The following STK3 variants were observed in gnomAD, a reference collection of about 807,000 sequenced individuals.
STK3 encodes the protein serine/threonine kinase 3, also known as serine/threonine-protein kinase 3.
Under a neutral mutation model 58.0 loss-of-function variants are expected in STK3, and 41 were observed. The observed-to-expected ratio is 0.71, with a 90% confidence interval of 0.55 to 0.92. The LOEUF is 0.92. Among genes scored for constraint, STK3 ranks in the 40% least tolerant of loss-of-function variants. The pLI, the probability that STK3 is intolerant of heterozygous loss-of-function variation, is 0.00. For missense variants in STK3, 479 were observed against 602.7 expected, an observed-to-expected ratio of 0.79 and a Z score of 2.15; for synonymous variants, 170 against 191.0, an observed-to-expected ratio of 0.89 and a Z score of 0.91.
chr8:98,660,797 G>A (rs2130784650), intron 6 of STK3, among the ~76,000 whole-genome samples: 1 of 152,080 alleles, frequency 6.6e-6, no homozygotes, highest in Middle Eastern at 3.4e-3. Flanking sequence ...TATCACATTA[G>A]GTTTTCCCTT....
chr8:98,714,432 A>G (rs534140076), intron 4 of STK3, among the ~76,000 whole-genome samples: 1 of 152,328 alleles, frequency 6.6e-6, no homozygotes, highest in East Asian at 1.9e-4. Context: ...ACTTCAGCAA[A>G]GTCTCAGGAT....
In STK3 at chr8:98,845,336, T is replaced by C. The variant is rs552187766; in HGVS notation, c.110+38311A>G. Among the ~76,000 whole-genome samples, 3 of 152,370 alleles carry C rather than the reference T, an allele frequency of 2.0e-5. No individual in the cohort carries two copies. In the South Asian group the frequency reaches 6.2e-4, roughly 32 times the overall value. On this transcript the variant is annotated intron_variant, in intron 3 of 12. Transcript: ENST00000523601. The stretch of plus-strand genomic sequence containing the variant: ...CTACCACAACTTCCTCATTCTTAAA[T>C]TCTTAAGTTTTGACGAGTCTCTCAA...
chr8:98,836,337 G>A (rs140529621), intron 3 of STK3, among the ~76,000 whole-genome samples: 91 of 152,304 alleles, frequency 6.0e-4, no homozygotes, highest in Non-Finnish European at 7.2e-4. Flanking sequence ...ATCTTTCCCC[G>A]TGTCTTCACA....
At chr8:98,711,161 T>C (rs961399377) in intron 4 of STK3, among the ~76,000 whole-genome samples, 2 of 151,796 alleles carry the variant, frequency 1.3e-5, no homozygotes, top group East Asian at 1.9e-4. Context: ...AGACCAAAGG[T>C]AGATAAAACC....
chr8:98,373,982 T>C (rs1282096267), intron 2 of STK3, among the ~76,000 whole-genome samples: 1 of 152,210 alleles, frequency 6.6e-6, no homozygotes, highest in African/African-American at 2.4e-5. Flanking sequence ...TATGGAGGCC[T>C]CTGTTTTTCT....
At chr8:98,565,193 A>T (rs957458540) in intron 8 of STK3, among the ~76,000 whole-genome samples, 10 of 152,140 alleles carry the variant, frequency 6.6e-5, no homozygotes, top group African/African-American at 1.9e-4. Context: ...GAAGGTTTTT[A>T]AAAAAATCCT....
At chr8:98,763,573 A>T (rs1359148552) in intron 3 of STK3, among the ~76,000 whole-genome samples, 2 of 152,192 alleles carry the variant, frequency 1.3e-5, no homozygotes, top group African/African-American at 2.4e-5. Context: ...TCTTCCAATC[A>T]TTTTTATGCT....
At chr8:98,580,747 G>A (rs1813812617) in intron 7 of STK3, among the ~76,000 whole-genome samples, 1 of 152,056 alleles carries the variant, frequency 6.6e-6, no homozygotes, top group Admixed American at 6.5e-5. Flanking sequence ...CTAAGTGCTG[G>A]GAATAGAGGC....
intron 10 of STK3, among the ~76,000 whole-genome samples, chr8:98,482,408 G>A (rs1821919585): frequency 2.6e-5 from 4 of 152,128 alleles, no homozygotes; most frequent in African/African-American, 9.7e-5. Flanking sequence ...TGGATCTTCT[G>A]AATAAACTAC....
At chr8:98,529,285 A>AGG (rs372909315) in intron 9 of STK3, among the ~76,000 whole-genome samples, 13 of 151,234 alleles carry the variant, frequency 8.6e-5, no homozygotes, top group South Asian at 6.3e-4. Flanking sequence ...AAAAAACAAA[A>AGG]GGGGGGGGGA....
intron 2 of STK3, chr8:98,379,130 C>G (rs1427928695): frequency 6.6e-6 from 1 of 152,042 alleles, no homozygotes; most frequent in Non-Finnish European, 1.5e-5. Context: ...TTTGGGTAAG[C>G]CAAGCAATTC....
chr8:98,657,035 A>G (rs1821598140), intron 6 of STK3, among the ~76,000 whole-genome samples: 1 of 152,132 alleles, frequency 6.6e-6, no homozygotes, highest in Non-Finnish European at 1.5e-5. Context: ...GAATACATAT[A>G]TTCCAGCAGA....
At chr8:98,494,456 T>C (rs1364779146) in intron 10 of STK3, among the ~76,000 whole-genome samples, 2 of 152,106 alleles carry the variant, frequency 1.3e-5, no homozygotes, top group Non-Finnish European at 2.9e-5. Context: ...ATTGTTTGCA[T>C]GGGCATCTTA....
intron 7 of STK3, among the ~76,000 whole-genome samples, chr8:98,587,604 T>G (rs1814767334): frequency 6.6e-6 from 1 of 152,126 alleles, no homozygotes; most frequent in Non-Finnish European, 1.5e-5. Flanking sequence ...TCTGTAGATG[T>G]CTATTAGTTC....
intron 10 of STK3, among the ~76,000 whole-genome samples, chr8:98,462,350 T>C (rs1373377037): frequency 2.0e-5 from 3 of 152,170 alleles, no homozygotes; most frequent in Non-Finnish European, 4.4e-5. Flanking sequence ...TACATTCGTG[T>C]GCCATATCTG....
At chr8:98,903,722 A>G (rs1396483694) in intron 1 of STK3, among the ~76,000 whole-genome samples, 1 of 152,030 alleles carries the variant, frequency 6.6e-6, no homozygotes, top group East Asian at 1.9e-4. Context: ...TATTTTTGAC[A>G]GAAGGTATGG....
intron 3 of STK3, among the ~76,000 whole-genome samples, chr8:98,850,114 C>T (rs898751171): frequency 6.6e-6 from 1 of 152,018 alleles, no homozygotes; most frequent in African/African-American, 2.4e-5. Context: ...ATTCACCTTC[C>T]GCACTTTGGT....
At chr8:98,819,700 T>A (rs1009652391) in intron 1 of STK3, among the ~76,000 whole-genome samples, 5 of 152,218 alleles carry the variant, frequency 3.3e-5, no homozygotes, top group African/African-American at 9.6e-5. Flanking sequence ...GGGGTTTTTT[T>A]AAGAGTTCTT....
At chr8:98,926,546 TAC>T (rs1839805591) in intron 1 of STK3, among the ~76,000 whole-genome samples, 1 of 151,696 alleles carries the variant, frequency 6.6e-6, no homozygotes, top group South Asian at 2.1e-4. Context: ...AGTAAAACAA[TAC>T]ACACACATGC....
Sources: allele counts gnomAD v4.1 joint callset (sites outside exome capture counted in the v4.1 genomes callset), GRCh38; gene constraint gnomAD v4.1.1; transcripts MANE v1.5; gene names NCBI Gene and HGNC (gene_info 2026-07-23, HGNC 2026-07-21).